CATSPER2: variants seen among roughly 807,000 people sequenced by gnomAD.
CATSPER2 encodes the protein cation channel sperm-associated protein 2.
In CATSPER2, 56 loss-of-function variants were observed where a neutral mutation model predicts 68.8. The observed-to-expected ratio is 0.81, with a 90% CI of 0.66 to 1.02. The LOEUF is 1.02. Among genes scored for constraint, CATSPER2 ranks in the 50% least tolerant of loss-of-function variants. The pLI, the probability that CATSPER2 is intolerant of heterozygous loss-of-function variation, is 0.00. For synonymous variants in CATSPER2, 198 were observed against 229.9 expected, an observed-to-expected ratio of 0.86 and a Z score of 1.26; for missense variants, 582 against 642.0, an observed-to-expected ratio of 0.91 and a Z score of 1.01.
chr15:43,645,790 C>G (rs910395382), intron 4 of CATSPER2, among the ~76,000 whole-genome samples: 6 of 151,890 alleles, frequency 4.0e-5, no homozygotes, highest in Non-Finnish European at 8.8e-5. Flanking sequence ...GAGACTCTGT[C>G]TCTAAAACAT....
chr15:43,648,710 C>A lies in CATSPER2; in HGVS notation c.-84G>T. 2 of 1,490,416 alleles carry A rather than the reference C, an allele frequency of 1.3e-6. No homozygotes were observed. Among genetic ancestry groups the A allele is most frequent in the Non-Finnish European group, 8.9e-7 (1 of 1,124,632 alleles). 92.3% of individuals were successfully genotyped at this position (1,490,416 alleles called of 1,614,324 possible). ...TCAGGTGCCCCGAGCCTGGCTACCC[C>A]TATGCAAGACGAGCTCAGGGCCGGC... On this transcript the variant is annotated 5_prime_UTR_variant, in exon 1 of 13. In the 5' UTR this introduces an upstream ATG that the reference lacks. Coordinates refer to ENST00000396879, the MANE Select transcript of CATSPER2 (RefSeq NM_172095.4).
Position 43,645,513 on chromosome 15 carries a change from G to A in CATSPER2, c.388+1537C>T, listed in dbSNP as rs527697194. On this transcript the variant is annotated intron_variant, in intron 4 of 12. Transcript: ENST00000396879. ...CTTAAAAATTCCTCCTAGGCTGGAC[G>A]TGGTAACTCACGCCTGTAATCCCAG... is the stretch of plus-strand genomic sequence containing the variant. Among the ~76,000 whole-genome samples the A allele has an allele frequency of 2.1e-4, 32 of 151,900 alleles. 1 individual carries two copies. The highest frequency in any genetic ancestry group is 4.2e-4 in the South Asian group (2 of 4,778).
intron 7 of CATSPER2, among the ~76,000 whole-genome samples, chr15:43,636,445 C>T (rs574939977): frequency 6.6e-6 from 1 of 151,870 alleles, no homozygotes; most frequent in African/African-American, 2.4e-5. Context: ...GGCTGGAGTG[C>T]AGTGGCGCGA....
Position 43,639,018 on chromosome 15 carries a change from A to C in CATSPER2, c.728T>G (p.Phe243Cys), listed in dbSNP as rs1468568874. The C allele has an allele frequency of 2.5e-6, 4 of 1,612,386 alleles. 1 individual carries two copies. Among genetic ancestry groups the C allele is most frequent in the Non-Finnish European group, 3.4e-6 (4 of 1,179,120 alleles). ...GAAGATGAGCAGCAACATCAAGAGG[A>C]AGGTCATGCTCTAGAGGCCATAACT... ...VLVRALKSMT[F>C]LLMLLLIFFY... The change falls in exon 7 of 13, where the codon TTC becomes TGC. Residue 243 changes from phenylalanine (F) to cysteine (C), a missense_variant. By Grantham distance (205) the Phe-to-Cys change is radical. Around this residue, in one of 5 missense-constraint regions of CATSPER2, gnomAD observed 91 missense variants for 72.8 expected, o/e 1.25. Transcript: ENST00000396879.
Position 43,648,825 on chromosome 15 carries a change from C to G in CATSPER2, c.-199G>C. ...CCCGGCCCTAGCCCCTACCCACAGCCCAGGACCATGCGGAGCAACGCTCGC... is the reference window on the plus strand; with the variant it reads ...CCCGGCCCTAGCCCCTACCCACAGCGCAGGACCATGCGGAGCAACGCTCGC... On this transcript the variant is annotated 5_prime_UTR_variant, in exon 1 of 13. Coordinates refer to ENST00000396879, the MANE Select transcript of CATSPER2 (RefSeq NM_172095.4). 1 of 1,533,064 alleles carries G rather than the reference C, an allele frequency of 6.5e-7. No individual in the cohort carries two copies. Among genetic ancestry groups the G allele is most frequent in the Non-Finnish European group, 8.7e-7 (1 of 1,143,848 alleles). The allele number at this position is 1,533,064 out of a possible 1,614,324, so 95.0% of individuals were successfully genotyped here.
chr15:43,648,799 AC>A lies in CATSPER2; in HGVS notation c.-174del, dbSNP rs761693937. 35 of 1,530,188 alleles carry A rather than the reference AC, an allele frequency of 2.3e-5. 1 individual carries two copies. The highest frequency in any genetic ancestry group is 2.3e-4 in the South Asian group (19 of 83,372). 94.8% of individuals were successfully genotyped at this position (1,530,188 alleles called of 1,614,324 possible). ...CCCCCAGGTTTCGGCTCACCCCGGG[AC>A]CCGGCCCTAGCCCCTACCCACAGCC... On this transcript the variant is annotated 5_prime_UTR_variant, in exon 1 of 13. Coordinates refer to ENST00000396879, the MANE Select transcript of CATSPER2 (RefSeq NM_172095.4).
chr15:43,631,516 A>G (rs112335201), intron 12 of CATSPER2: 11 of 381,974 alleles, frequency 2.9e-5, no homozygotes, highest in Non-Finnish European at 4.4e-5. Flanking sequence ...GGTGTGAGCC[A>G]CCGTGCCCGG....
chr15:43,647,028 T>G, intron 4 of CATSPER2, 22 bp downstream of exon 4: 1 of 1,600,848 alleles, frequency 6.2e-7, no homozygotes, highest in Non-Finnish European at 8.6e-7. Context: ...CACTTCCTCT[T>G]TCATACAAGG....
intron 4 of CATSPER2, among the ~76,000 whole-genome samples, chr15:43,645,047 G>A (rs561958234): frequency 3.3e-5 from 5 of 151,990 alleles, no homozygotes; most frequent in Non-Finnish European, 5.9e-5. Context: ...TCTTTGACCT[G>A]ACTGCAGTAA....
chr15:43,630,724 G>A lies in CATSPER2; in HGVS notation c.1570C>T (p.Leu524=), dbSNP rs779156275. Residue 524 remains leucine (L), a synonymous_variant, in exon 13 of 13, where the codon CTG becomes TTG. Transcript: ENST00000396879. ...CTTTACTTGTCTTCCAAGTTCATCAGTGCCTGCACTGCAAAGGAAACAGAT... is the reference window on the plus strand; with the variant it reads ...CTTTACTTGTCTTCCAAGTTCATCAATGCCTGCACTGCAAAGGAAACAGAT... ...KKLQEFAVQA[L]MNLEDK 3 of 1,612,218 alleles carry A rather than the reference G, an allele frequency of 1.9e-6. No individual in the cohort carries two copies. The highest frequency in any genetic ancestry group is 4.5e-5 in the East Asian group (2 of 44,828).
At chr15:43,647,869 G>A in intron 2 of CATSPER2, 48 bp downstream of exon 2, 1 of 1,593,786 alleles carries the variant, frequency 6.3e-7, no homozygotes, top group Non-Finnish European at 8.6e-7. Context: ...TGTAGAGGAT[G>A]TGGATAGGAG....
intron 4 of CATSPER2, among the ~76,000 whole-genome samples, chr15:43,644,055 TC>T (rs1284526821): frequency 6.6e-6 from 1 of 152,010 alleles, no homozygotes; most frequent in Non-Finnish European, 1.5e-5. Context: ...ATGAGTCAAA[TC>T]TTTTTTTCTT....
chr15:43,636,911 A>C (rs1199036548), intron 7 of CATSPER2, among the ~76,000 whole-genome samples: 6 of 148,154 alleles, frequency 4.0e-5, no homozygotes, highest in Admixed American at 2.7e-4. Flanking sequence ...CAACCTCTGC[A>C]CTCCAGGCTC....
intron 4 of CATSPER2, among the ~76,000 whole-genome samples, chr15:43,644,655 C>T (rs985992709): frequency 8.6e-5 from 13 of 151,858 alleles, no homozygotes; most frequent in African/African-American, 2.9e-4. Context: ...AGGGCGAGCC[C>T]TATTGTGAAC....
At position 43,640,376 on chromosome 15, in the gene CATSPER2, G is replaced by C; in HGVS notation, c.509C>G (p.Ser170Cys). ...ATTCCAGGCACTCTTCCAGAAAACA[G>C]AAAAGTTGGATAGCCACTTAAGAAG... ...EILLKWLSNF[S>C]VFWKSAWNVF... Residue 170 changes from serine to cysteine, a missense_variant, in exon 5 of 13, where the codon TCT becomes TGT. Ser to Cys is a moderately radical substitution (Grantham distance 112). Around this residue, in one of 5 missense-constraint regions of CATSPER2, gnomAD observed 45 missense variants for 80.2 expected, o/e 0.56. Transcript: ENST00000396879. 6.2e-7 allele frequency: 1 copy of C among 1,612,854 alleles called. No individual in the cohort carries two copies. Among genetic ancestry groups the C allele is most frequent in the Non-Finnish European group, 8.5e-7 (1 of 1,179,272 alleles).
chr15:43,632,866 T>A lies in CATSPER2; in HGVS notation c.1247A>T (p.Tyr416Phe), dbSNP rs2085899801. 6.2e-7 allele frequency: 1 copy of A among 1,612,100 alleles called. No individual in the cohort carries two copies. The highest frequency in any genetic ancestry group is 8.5e-7 in the Non-Finnish European group (1 of 1,178,574). ...LSEVSEVESN[Y>F]GATEEDLITS... ...TATTAAATCCTCTTCAGTGGCACCA[T>A]AATTAGACTCTACTTCAGACACTTC... The change falls in exon 11 of 13, where the codon TAT becomes TTT. Residue 416 changes from tyrosine (Y) to phenylalanine (F), a missense_variant. By Grantham distance (22) the Tyr-to-Phe change is conservative. Around this residue, in one of 5 missense-constraint regions of CATSPER2, gnomAD observed 235 missense variants for 264.2 expected, o/e 0.89. Coordinates refer to ENST00000396879, the MANE Select transcript of CATSPER2 (RefSeq NM_172095.4).
Position 43,640,432 on chromosome 15 carries a change from C to A in CATSPER2, c.453G>T (p.Trp151Cys). ...CCAGGATGAAAATAAGCAAGATAAA[C>A]CAAGCTGCCACCTCCAAGGTCAGCT... ...PLKLTLEVAAWFILLIFILEI... is the reference protein window; with the variant it reads ...PLKLTLEVAACFILLIFILEI... Residue 151 changes from tryptophan (W) to cysteine (C), a missense_variant, in exon 5 of 13, where the codon TGG becomes TGT. Trp to Cys is a radical substitution (Grantham distance 215, BLOSUM62 -2). Around this residue, in one of 5 missense-constraint regions of CATSPER2, gnomAD observed 197 missense variants for 191.0 expected, o/e 1.03. Transcript: ENST00000396879. The A allele has an allele frequency of 6.2e-7, 1 of 1,613,188 alleles. No individual in the cohort carries two copies. Among genetic ancestry groups the A allele is most frequent in the African/African-American group, 1.3e-5 (1 of 74,902 alleles).
At chr15:43,638,877 C>G in intron 7 of CATSPER2, 27 bp downstream of exon 7, 1 of 1,611,972 alleles carries the variant, frequency 6.2e-7, no homozygotes, top group Non-Finnish European at 8.5e-7. Context: ...TTTCTCCCCT[C>G]ACCCAGCTGT....
chr15:43,638,808 T>G (rs2086014043), intron 7 of CATSPER2, 96 bp downstream of exon 7: 1 of 1,435,828 alleles, frequency 7.0e-7, no homozygotes, highest in South Asian at 1.2e-5. Flanking sequence ...TTTCTTGGAA[T>G]AGACTGCACT....
Sources: allele counts gnomAD v4.1 joint callset (sites outside exome capture counted in the v4.1 genomes callset), GRCh38; gene constraint gnomAD v4.1.1; regional missense constraint gnomAD v4.1.1; transcripts MANE v1.5; gene names NCBI Gene and HGNC (gene_info 2026-07-23, HGNC 2026-07-21).